NEDD4L: variants seen among roughly 807,000 people sequenced by gnomAD.
NEDD4L encodes the protein E3 ubiquitin-protein ligase NEDD4-like.
A neutral mutation model predicts 148.9 loss-of-function variants in NEDD4L; 54 were observed. The ratio of observed to expected loss-of-function variants is 0.36; its 90% CI spans 0.29 to 0.45. NEDD4L has a LOEUF of 0.45. NEDD4L is among the 20% of genes least tolerant of loss of function. The pLI, the probability that NEDD4L is intolerant of heterozygous loss-of-function variation, is 1.00. For synonymous variants in NEDD4L, 433 were observed against 440.7 expected (o/e 0.98, Z 0.22); for missense variants, 856 against 1,233.8 (o/e 0.69, Z 4.59).
intron 2 of NEDD4L, among the ~76,000 whole-genome samples, chr18:58,244,015 G>C (rs554981192): frequency 6.6e-6 from 1 of 152,236 alleles, no homozygotes; most frequent in Admixed American, 6.5e-5. Flanking sequence ...TTTAGATATT[G>C]AGTATAGCCT....
At chr18:58,216,088 A>G (rs1391605380) in intron 2 of NEDD4L, among the ~76,000 whole-genome samples, 3 of 152,118 alleles carry the variant, frequency 2.0e-5, no homozygotes, top group Non-Finnish European at 4.4e-5. Context: ...TAGATTACCA[A>G]TTTGCTTTCC....
chr18:58,138,447 G>A (rs78547897), intron 1 of NEDD4L, among the ~76,000 whole-genome samples: 8,905 of 150,502 alleles, frequency 0.059, 358 homozygotes, highest in Middle Eastern at 0.085. Flanking sequence ...CTTTGATCAG[G>A]TATGGCCTGA....
intron 5 of NEDD4L, among the ~76,000 whole-genome samples, chr18:58,280,629 A>C (rs2052911535): frequency 6.6e-6 from 1 of 152,148 alleles, no homozygotes; most frequent in Non-Finnish European, 1.5e-5. Flanking sequence ...TCCACTAGGA[A>C]AGCACAGCCA....
intron 2 of NEDD4L, among the ~76,000 whole-genome samples, chr18:58,213,196 A>C (rs1008730503): frequency 6.6e-6 from 1 of 152,202 alleles, no homozygotes; most frequent in East Asian, 1.9e-4. Flanking sequence ...AAAATAAAAA[A>C]CTATCATACC....
intron 16 of NEDD4L, among the ~76,000 whole-genome samples, chr18:58,348,326 C>CT (rs771263533): frequency 0.014 from 1,210 of 88,568 alleles, 27 homozygotes; most frequent in East Asian, 0.056. Context: ...TCTTTTTTTT[C>CT]TTTTTTTTTT....
intron 1 of NEDD4L, among the ~76,000 whole-genome samples, chr18:58,107,722 GAAA>G (rs768414076): frequency 7.5e-6 from 1 of 133,688 alleles, no homozygotes; most frequent in Non-Finnish European, 1.6e-5. Flanking sequence ...CCTGTCTCCA[GAAA>G]AAAAAAAAAA....
chr18:58,320,513 C>T (rs2058682498), intron 6 of NEDD4L, among the ~76,000 whole-genome samples: 1 of 152,178 alleles, frequency 6.6e-6, no homozygotes, highest in South Asian at 2.1e-4. Flanking sequence ...TAATATTGCT[C>T]TCAAATTATT....
At chr18:58,374,470 G>A (rs1365357716) in intron 24 of NEDD4L, among the ~76,000 whole-genome samples, 1 of 148,936 alleles carries the variant, frequency 6.7e-6, no homozygotes, top group Non-Finnish European at 1.5e-5. Flanking sequence ...CCCTTTCCCG[G>A]CCTCCTCCCC....
intron 1 of NEDD4L, among the ~76,000 whole-genome samples, chr18:58,080,887 T>G (rs1443121814): frequency 6.6e-6 from 1 of 152,034 alleles, no homozygotes; most frequent in Non-Finnish European, 1.5e-5. Flanking sequence ...ATCAAGCTCT[T>G]AAGAAAGCAG....
intron 2 of NEDD4L, among the ~76,000 whole-genome samples, chr18:58,228,343 G>A (rs922399305): frequency 1.3e-5 from 2 of 152,208 alleles, no homozygotes; most frequent in Middle Eastern, 3.2e-3. Context: ...TTGTTTTAAC[G>A]TTACGTGCAT....
intron 1 of NEDD4L, among the ~76,000 whole-genome samples, chr18:58,051,923 C>T (rs1471857968): frequency 6.6e-6 from 1 of 152,072 alleles, no homozygotes; most frequent in Non-Finnish European, 1.5e-5. Flanking sequence ...GTTTCTCTTC[C>T]AGGTCACAAC....
intron 2 of NEDD4L, chr18:58,195,385 G>C: frequency 8.1e-7 from 1 of 1,234,266 alleles, no homozygotes; most frequent in African/African-American, 1.5e-5. Context: ...TGCCTCTGAT[G>C]AGGCACTTCC....
At chr18:58,142,928 G>T (rs1478306729) in intron 1 of NEDD4L, among the ~76,000 whole-genome samples, 1 of 152,122 alleles carries the variant, frequency 6.6e-6, no homozygotes, top group Non-Finnish European at 1.5e-5. Context: ...CGCTGGCAGG[G>T]TCCTTAGCAA....
chr18:58,320,708 G>A (rs977393042), intron 6 of NEDD4L, among the ~76,000 whole-genome samples: 1 of 152,136 alleles, frequency 6.6e-6, no homozygotes, highest in African/African-American at 2.4e-5. Context: ...CCAGCTACTT[G>A]GGAGGCTGAG....
At chr18:58,364,608 A>G (rs1406849945) in intron 20 of NEDD4L, among the ~76,000 whole-genome samples, 2 of 152,242 alleles carry the variant, frequency 1.3e-5, no homozygotes, top group Admixed American at 6.5e-5. Flanking sequence ...TTTATGGGAT[A>G]TAAAATAATT....
At chr18:58,287,960 C>G (rs1275731872) in intron 5 of NEDD4L, among the ~76,000 whole-genome samples, 2 of 152,174 alleles carry the variant, frequency 1.3e-5, no homozygotes, top group African/African-American at 4.8e-5. Context: ...GTGTGTAGTT[C>G]ATACTTCAGA....
chr18:58,154,423 C>G (rs1041549494), intron 1 of NEDD4L, among the ~76,000 whole-genome samples: 2 of 152,134 alleles, frequency 1.3e-5, no homozygotes, highest in Non-Finnish European at 2.9e-5. Flanking sequence ...CTCAAACCAC[C>G]CTTTGGACCC....
At chr18:58,304,836 C>G (rs1184151324) in intron 5 of NEDD4L, among the ~76,000 whole-genome samples, 1 of 152,218 alleles carries the variant, frequency 6.6e-6, no homozygotes, top group Admixed American at 6.5e-5. Context: ...GTATGTTGCA[C>G]TAAATGACTT....
rs199730721 is a variant in NEDD4L at position 58,372,845 on chromosome 18, AAAG to A, written c.2257-327_2257-325del. ...ATCTCAAAAACAAAAAAAAAAAAAA[AAAG>A]AGAGAGAGAAAAGAAAGTATACTTA... On this transcript the variant is annotated intron_variant, in intron 23 of 30. Coordinates refer to ENST00000400345, the MANE Select transcript of NEDD4L (RefSeq NM_001144967.3). 2.6e-3 allele frequency among the ~76,000 whole-genome samples: 358 copies of A among 137,264 alleles called. 3 individuals are homozygous for A. In the East Asian group the frequency reaches 0.047, roughly 18 times the overall value. The allele number at this position is 137,264 out of a possible 152,430, so 90.1% of individuals were successfully genotyped here.
Sources: allele counts gnomAD v4.1 joint callset (sites outside exome capture counted in the v4.1 genomes callset), GRCh38; gene constraint gnomAD v4.1.1; transcripts MANE v1.5; gene names NCBI Gene and HGNC (gene_info 2026-07-23, HGNC 2026-07-21).